Variants in SPTAN1 observed in about 807,000 individuals in gnomAD.
SPTAN1 encodes spectrin alpha chain, non-erythrocytic 1.
A neutral mutation model predicts 331.3 loss-of-function variants in SPTAN1; 61 were observed. The ratio of observed to expected loss-of-function variants is 0.18; its 90% CI spans 0.15 to 0.23. The LOEUF is 0.23. SPTAN1 is among the 10% of genes least tolerant of loss of function. The pLI, the probability that SPTAN1 is intolerant of heterozygous loss-of-function variation, is 1.00. For missense variants in SPTAN1, 2,043 were observed against 3,147.9 expected, an observed-to-expected ratio of 0.65 and a Z score of 8.40; for synonymous variants, 1,153 against 1,173.9, an observed-to-expected ratio of 0.98 and a Z score of 0.36.
chr9:128,601,318 C>G (rs1304848103), intron 27 of SPTAN1: 4 of 152,066 alleles, frequency 2.6e-5, no homozygotes, highest in Non-Finnish European at 5.9e-5. Context: ...AACTGGTTGC[C>G]TGTGTAACTG....
chr9:128,563,305 A>T (rs1849631588), intron 1 of SPTAN1, among the ~76,000 whole-genome samples: 1 of 151,880 alleles, frequency 6.6e-6, no homozygotes, highest in Non-Finnish European at 1.5e-5. Context: ...ACTCCTAGCT[A>T]CTCAGGAGGC....
rs1391622553 is a variant in SPTAN1 at position 128,632,970 on chromosome 9, AG to A, written c.7308+17del. Reference sequence around the variant, plus strand: ...AGCTCTACCAGGTATGGGCCTCAGGAGGTGGGTGAAGAGGTGTCCTTTGGAA... The same window carrying A: ...AGCTCTACCAGGTATGGGCCTCAGGAGTGGGTGAAGAGGTGTCCTTTGGAA... On this transcript the variant is annotated intron_variant, in intron 56 of 56. Coordinates refer to ENST00000372739, the MANE Select transcript of SPTAN1 (RefSeq NM_001130438.3). The A allele has an allele frequency of 6.2e-7, 1 of 1,609,974 alleles. No individual in the cohort carries two copies. Among genetic ancestry groups the A allele is most frequent in the East Asian group, 2.2e-5 (1 of 44,874 alleles).
chr9:128,560,033 C>T (rs1244077180), intron 1 of SPTAN1, among the ~76,000 whole-genome samples: 1 of 150,540 alleles, frequency 6.6e-6, no homozygotes, highest in African/African-American at 2.4e-5. Context: ...CCCTGCCTGG[C>T]CGATAATTTT....
rs768426112 is a variant in SPTAN1 at position 128,587,586 on chromosome 9, A to T, written c.2779-20A>T. 3 of 1,610,984 alleles carry T rather than the reference A, an allele frequency of 1.9e-6. No individual in the cohort carries two copies. The highest frequency in any genetic ancestry group is 2.5e-6 in the Non-Finnish European group (3 of 1,178,026). The stretch of plus-strand genomic sequence containing the variant: ...GGCTTCAGCCCCTGCACAGTGCTCC[A>T]TGTGTGGTTTTGGTTTCAGGCTCTA... On this transcript the variant is annotated intron_variant, in intron 19 of 56. Transcript: ENST00000372739.
In SPTAN1 at chr9:128,580,541, CAT is replaced by C. The variant is rs1774912672; in HGVS notation, c.1324-378_1324-377del. On this transcript the variant is annotated intron_variant, in intron 10 of 56. Transcript: ENST00000372739. Reference sequence around the variant, plus strand: ...CTAGGGAGTTTCTGAATTTATTTTCCATATGTTATGGAGCACCCACTCAGTTG... The same window carrying C: ...CTAGGGAGTTTCTGAATTTATTTTCCATGTTATGGAGCACCCACTCAGTTG... Among the ~76,000 whole-genome samples the C allele has an allele frequency of 2.6e-5, 4 of 151,918 alleles. No individual in the cohort carries two copies. In the South Asian group the frequency reaches 8.3e-4, roughly 31 times the overall value.
intron 1 of SPTAN1, chr9:128,555,295 T>C (rs1375537153): frequency 3.4e-6 from 4 of 1,162,622 alleles, no homozygotes; most frequent in Non-Finnish European, 4.5e-6. Flanking sequence ...TTCATGATTT[T>C]GTTCCGTTTG....
chr9:128,582,409 T>TA, intron 12 of SPTAN1, 70 bp from the exon 13 acceptor site: 1 of 1,346,990 alleles, frequency 7.4e-7, no homozygotes, highest in Non-Finnish European at 1.1e-6. Flanking sequence ...GTTCAGCAGT[T>TA]ACTTTTCTCC....
At chr9:128,608,073 C>A in intron 33 of SPTAN1, 24 bp downstream of exon 33, 4 of 1,614,124 alleles carry the variant, frequency 2.5e-6, no homozygotes, top group Non-Finnish European at 2.5e-6. Context: ...TGGTTTCTGA[C>A]CAAGTGTTTC....
chr9:128,587,914 C>T (rs748258817), intron 20 of SPTAN1, among the ~76,000 whole-genome samples: 5 of 152,046 alleles, frequency 3.3e-5, no homozygotes, highest in South Asian at 2.1e-4. Context: ...GGCACAACCT[C>T]GGCTCACTGC....
chr9:128,584,351 A>C lies in SPTAN1; in HGVS notation c.2263A>C (p.Ile755Leu). ...QDAGHFDAENIKKKQEALVAR... is the reference protein window; with the variant it reads ...QDAGHFDAENLKKKQEALVAR... The stretch of plus-strand genomic sequence containing the variant: ...TGCTGGCCATTTTGATGCAGAAAAC[A>C]TCAAGAAGAAACAGGAAGCCCTCGT... The change falls in exon 17 of 57, where the codon ATC (isoleucine) becomes CTC (leucine). Residue 755 changes from isoleucine to leucine, a missense_variant. Transcript: ENST00000372739. The C allele has an allele frequency of 6.2e-7, 1 of 1,614,198 alleles. No individual in the cohort carries two copies. Among genetic ancestry groups the C allele is most frequent in the Non-Finnish European group, 8.5e-7 (1 of 1,180,036 alleles).
At chr9:128,604,183 T>C (rs1262137018) in intron 28 of SPTAN1, 143 bp from the exon 29 acceptor site, 1 of 874,892 alleles carries the variant, frequency 1.1e-6, no homozygotes, top group African/African-American at 1.7e-5. Flanking sequence ...TATTGTATAC[T>C]AATTTATTCA....
Position 128,577,681 on chromosome 9 carries a change from G to A in SPTAN1, c.1085+175G>A, listed in dbSNP as rs1358611520. Among the ~76,000 whole-genome samples the A allele has an allele frequency of 6.6e-6, 1 of 152,188 alleles. No individual in the cohort carries two copies. The highest frequency in any genetic ancestry group is 1.5e-5 in the Non-Finnish European group (1 of 68,030). ...TTGGAGACTGGCAACTGTATCATGT[G>A]TAGTATACGTATGGTATTTACAACT... On this transcript the variant is annotated intron_variant, in intron 8 of 56. Transcript: ENST00000372739. This position sits in a 1 kb window ranked among gnomAD's most constrained non-coding sequence, Gnocchi z 4.2.
chr9:128,594,206 C>G lies in SPTAN1; in HGVS notation c.3247C>G (p.Arg1083Gly). The G allele has an allele frequency of 6.2e-7, 1 of 1,614,102 alleles. No homozygotes were observed. Among genetic ancestry groups the G allele is most frequent in the South Asian group, 1.1e-5 (1 of 91,070 alleles). ...TTCTCTGCTGGAACTGGGTGAGAAG[C>G]GTAAAGGCATGTTGGAGAAGAGTTG... ...YHSLLELGEK[R>G]KGMLEKSCKK... Residue 1083 changes from arginine (R) to glycine (G), a missense_variant, in exon 24 of 57, where the codon CGT becomes GGT. By Grantham distance (125) the Arg-to-Gly change is moderately radical. This residue lies in a region of SPTAN1 where 1,038 missense variants were observed against 1,531.5 expected (regional missense o/e 0.68). Transcript: ENST00000372739.
At chr9:128,589,798 A>G (rs1853223368) in intron 21 of SPTAN1, among the ~76,000 whole-genome samples, 1 of 150,936 alleles carries the variant, frequency 6.6e-6, no homozygotes, top group Non-Finnish European at 1.5e-5. Flanking sequence ...GATGGTCTCG[A>G]TCTCCTGACC....
At chr9:128,590,568 A>AC (rs1853345748) in intron 21 of SPTAN1, among the ~76,000 whole-genome samples, 1 of 147,834 alleles carries the variant, frequency 6.8e-6, no homozygotes, top group Non-Finnish European at 1.5e-5. Context: ...AAAAAAAAAA[A>AC]GGGCCAGGCG....
chr9:128,629,541 C>T lies in SPTAN1; in HGVS notation c.6708-780C>T, dbSNP rs1441281963. 2.3e-5 allele frequency: 5 copies of T among 218,558 alleles called. No individual in the cohort carries two copies. The highest frequency in any genetic ancestry group is 9.1e-5 in the African/African-American group (4 of 44,164). The allele number at this position is 218,558 out of a possible 1,614,324, so 13.5% of individuals were successfully genotyped here. A position where few individuals can be genotyped will look rare whatever the true frequency, so the allele number is the denominator to read the frequency against. ...TACAGGGGAGCCTGGGCTAAAACCCCACCAAGGCCACACGCACCGTGTGAT... is the reference window on the plus strand; with the variant it reads ...TACAGGGGAGCCTGGGCTAAAACCCTACCAAGGCCACACGCACCGTGTGAT... On this transcript the variant is annotated intron_variant, in intron 51 of 56. Transcript: ENST00000372739. This position sits in a 1 kb window ranked among gnomAD's most constrained non-coding sequence, Gnocchi z 4.9.
chr9:128,560,731 GA>G (rs1849220040), intron 1 of SPTAN1, among the ~76,000 whole-genome samples: 2 of 152,014 alleles, frequency 1.3e-5, no homozygotes, highest in South Asian at 2.1e-4. Flanking sequence ...AATAAAGAGG[GA>G]GTGAAGGCCG....
intron 22 of SPTAN1, 25 bp from the exon 23 acceptor site, chr9:128,592,958 C>T: frequency 6.3e-7 from 1 of 1,596,612 alleles, no homozygotes; most frequent in Non-Finnish European, 8.5e-7. Context: ...TTCGTGCATG[C>T]TTTTGCTGTG....
intron 1 of SPTAN1, among the ~76,000 whole-genome samples, chr9:128,554,659 C>A (rs553327813): frequency 1.3e-5 from 2 of 152,220 alleles, no homozygotes; most frequent in Non-Finnish European, 2.9e-5. Context: ...ACTAGTTACG[C>A]ACTCATCTGT....
Sources: gnomAD v4.1 joint callset for allele counts (sites outside exome capture counted in the v4.1 genomes callset) on GRCh38, gnomAD v4.1.1 for gene constraint, gnomAD v4.1.1 regional missense constraint, Gnocchi (gnomAD v3.1) non-coding constraint, MANE v1.5 for transcripts, NCBI Gene and HGNC (gene_info 2026-07-23, HGNC 2026-07-21) for gene names.